The following TBCD variants were observed in gnomAD, a reference collection of about 807,000 sequenced individuals.
TBCD encodes the protein tubulin folding cofactor D.
In TBCD, 105 loss-of-function variants were observed where a neutral mutation model predicts 169.3. The ratio of observed to expected loss-of-function variants is 0.62; its 90% CI spans 0.53 to 0.73. The LOEUF (loss-of-function observed/expected upper bound fraction) is 0.73, where lower values mean the gene tolerates loss of function less well. Ranked by LOEUF, TBCD falls within the 30% of genes least tolerant of loss-of-function variation. The pLI is 0.00. For missense variants in TBCD, 1,444 were observed against 1,600.1 expected, an observed-to-expected ratio of 0.90 and a Z score of 1.66; for synonymous variants, 700 against 643.9, an observed-to-expected ratio of 1.09 and a Z score of -1.32.
chr17:82,772,893 G>A (rs575307510), intron 6 of TBCD, among the ~76,000 whole-genome samples: 1 of 152,296 alleles, frequency 6.6e-6, no homozygotes, highest in South Asian at 2.1e-4. Context: ...GACTGGGGAT[G>A]AAAATCCCCC....
At chr17:82,857,732 G>A (rs1195842292) in intron 13 of TBCD, among the ~76,000 whole-genome samples, 1 of 143,004 alleles carries the variant, frequency 7.0e-6, no homozygotes, top group Non-Finnish European at 1.5e-5. Flanking sequence ...CAACCTTGCT[G>A]CTTGTGTCTC....
chr17:82,895,069 G>C (rs1417338146), intron 17 of TBCD, among the ~76,000 whole-genome samples: 4 of 152,362 alleles, frequency 2.6e-5, no homozygotes, highest in African/African-American at 9.6e-5. Context: ...TTGTTGCTGA[G>C]GTTTCTAAGC....
intron 14 of TBCD, among the ~76,000 whole-genome samples, chr17:82,882,237 C>T (rs926816729): frequency 1.3e-5 from 2 of 152,202 alleles, no homozygotes; most frequent in African/African-American, 4.8e-5. Flanking sequence ...TCACTCAGAC[C>T]CACTCGCACC....
intron 13 of TBCD, among the ~76,000 whole-genome samples, chr17:82,828,252 G>T (rs1598749931): frequency 2.0e-5 from 2 of 102,532 alleles, no homozygotes; most frequent in Non-Finnish European, 1.9e-5. Flanking sequence ...ATATGCACAT[G>T]TGCACACCCA....
intron 14 of TBCD, among the ~76,000 whole-genome samples, chr17:82,881,575 C>G (rs1432290453): frequency 1.3e-5 from 2 of 152,176 alleles, no homozygotes; most frequent in Non-Finnish European, 1.5e-5. Context: ...GGCCCCTCTG[C>G]TTGAGCCTTG....
intron 14 of TBCD, among the ~76,000 whole-genome samples, chr17:82,873,926 G>T (rs753572169): frequency 1.3e-5 from 2 of 152,218 alleles, no homozygotes; most frequent in African/African-American, 2.4e-5. Context: ...TTCCACAGGG[G>T]ACCCTCTTGC....
intron 37 of TBCD, among the ~76,000 whole-genome samples, chr17:82,940,969 A>T (rs1258009755): frequency 6.6e-6 from 1 of 152,178 alleles, no homozygotes; most frequent in Non-Finnish European, 1.5e-5. Flanking sequence ...AAAAAAAAAA[A>T]TCCTTAGAAT....
intron 13 of TBCD, among the ~76,000 whole-genome samples, chr17:82,856,720 GCGGGA>G (rs1390770912): frequency 8.6e-5 from 13 of 150,532 alleles, no homozygotes; most frequent in African/African-American, 3.0e-4. Context: ...CGCATCCAGG[GCGGGA>G]TCGCTGGACC....
Position 82,837,982 on chromosome 17 carries a change from A to G in TBCD, c.1318+23048A>G, listed in dbSNP as rs77969300. On this transcript the variant is annotated intron_variant, in intron 13 of 38. Coordinates refer to ENST00000355528, the MANE Select transcript of TBCD (RefSeq NM_005993.5). ...GCTTTCACCAGGCTTTTCTTGCCAT[A>G]TTTACAGATGCCACTCTGTGCCTTT... Among the ~76,000 whole-genome samples the G allele has an allele frequency of 3.4e-3, 511 of 152,328 alleles. 6 individuals carry two copies. Among genetic ancestry groups the G allele is most frequent in the African/African-American group, 0.012 (495 of 41,578 alleles).
In TBCD at chr17:82,884,594, G is replaced by C. The variant is rs902946300; in HGVS notation, c.1533+392G>C. Among the ~76,000 whole-genome samples, 1 of 152,160 alleles carries C rather than the reference G, an allele frequency of 6.6e-6. No individual in the cohort carries two copies. The highest frequency in any genetic ancestry group is 1.9e-4 in the East Asian group (1 of 5,196). On this transcript the variant is annotated intron_variant, in intron 15 of 38. Transcript: ENST00000355528. The surrounding 1 kb of genome is among the most constrained non-coding windows in gnomAD (Gnocchi z 4.2). ...CACTCACCGGGTGGCTTTGAGCCTC[G>C]GGAGGGGCTGTTGCGAGCAGTGGTC...
At chr17:82,803,359 G>T (rs1426602652) in intron 9 of TBCD, among the ~76,000 whole-genome samples, 2 of 152,226 alleles carry the variant, frequency 1.3e-5, no homozygotes, top group African/African-American at 4.8e-5. Context: ...TCTGAGGGTT[G>T]CACAGTCTCC....
chr17:82,886,332 C>A (rs188342770), intron 15 of TBCD: 1 of 152,174 alleles, frequency 6.6e-6, no homozygotes, highest in African/African-American at 2.4e-5. Flanking sequence ...TTGCTGAATG[C>A]TGGTTTTTCT....
chr17:82,767,110 C>A (rs1425897423), intron 4 of TBCD, among the ~76,000 whole-genome samples: 1 of 152,234 alleles, frequency 6.6e-6, no homozygotes, highest in Non-Finnish European at 1.5e-5. Flanking sequence ...TGCTGGTGTC[C>A]AGGTCCCTGG....
chr17:82,909,318 C>T lies in TBCD; in HGVS notation c.2006+11C>T. The T allele has an allele frequency of 6.6e-7, 1 of 1,522,364 alleles. No homozygotes were observed. 94.3% of individuals were successfully genotyped at this position (1,522,364 alleles called of 1,614,324 possible). A position where few individuals can be genotyped will look rare whatever the true frequency, so the allele number is the denominator to read the frequency against. On this transcript the variant is annotated intron_variant, in intron 22 of 38. Coordinates refer to ENST00000355528, the MANE Select transcript of TBCD (RefSeq NM_005993.5). The stretch of plus-strand genomic sequence containing the variant: ...TCGTCAGTTATACAGGTGAGCTTTA[C>T]AAAACCAAAGTTCTTATATCTGTGT...
intron 13 of TBCD, among the ~76,000 whole-genome samples, chr17:82,822,340 G>A (rs990944052): frequency 6.6e-6 from 1 of 152,166 alleles, no homozygotes; most frequent in Admixed American, 6.5e-5. Flanking sequence ...ACAAAAGGGC[G>A]GTGAGATCCT....
At chr17:82,854,689 T>A (rs1343754264) in intron 13 of TBCD, among the ~76,000 whole-genome samples, 1 of 152,084 alleles carries the variant, frequency 6.6e-6, no homozygotes. Flanking sequence ...TGGGCAGCAG[T>A]GTAAGAGCAC....
chr17:82,872,749 G>C lies in TBCD; in HGVS notation c.1475+2369G>C, dbSNP rs535364836. Among the ~76,000 whole-genome samples, 19 of 152,390 alleles carry C rather than the reference G, an allele frequency of 1.2e-4. 1 individual carries two copies. Among genetic ancestry groups the C allele is most frequent in the African/African-American group, 4.6e-4 (19 of 41,598 alleles). On this transcript the variant is annotated intron_variant, in intron 14 of 38. Transcript: ENST00000355528. ...CTTAGCAACCCTGAGAGGTGGGCAG[G>C]GGCCACCGTCATTCTGGTTTCACTG...
intron 30 of TBCD, 30 bp from the exon 31 acceptor site, chr17:82,929,083 C>G (rs377293010): frequency 2.4e-5 from 38 of 1,595,638 alleles, no homozygotes; most frequent in Non-Finnish European, 3.2e-5. Context: ...ACCGCCCGCC[C>G]TTGGTTTACC....
rs2063539144 is a variant in TBCD, at chr17:82,944,477, CT to C, written c.*2015del. 6.6e-6 allele frequency: 1 copy of C among 152,216 alleles called. No homozygotes were observed. The highest frequency in any genetic ancestry group is 2.4e-5 in the African/African-American group (1 of 41,438). 9.4% of individuals were successfully genotyped at this position (152,216 alleles called of 1,614,324 possible). A position where few individuals can be genotyped will look rare whatever the true frequency, so the allele number is the denominator to read the frequency against. ...CCATCAAGGCAGGCAACACTGAGTG[CT>C]ATGAACAAAGATAAAGTGGGCAATG... is the stretch of plus-strand genomic sequence containing the variant. On this transcript the variant is annotated 3_prime_UTR_variant, in exon 39 of 39. Transcript: ENST00000355528.
Sources: allele counts gnomAD v4.1 joint callset (sites outside exome capture counted in the v4.1 genomes callset), GRCh38; gene constraint gnomAD v4.1.1; non-coding constraint Gnocchi (gnomAD v3.1); transcripts MANE v1.5; gene names NCBI Gene and HGNC (gene_info 2026-07-23, HGNC 2026-07-21).